Variants in HYDIN observed in about 807,000 individuals in gnomAD.
The protein encoded by HYDIN is HYDIN axonemal central pair apparatus protein.
Under a neutral mutation model 403.9 loss-of-function variants are expected in HYDIN, and 132 were observed. That is an observed-to-expected ratio of 0.33 (90% CI 0.28 to 0.38). The LOEUF (loss-of-function observed/expected upper bound fraction) is 0.38, where lower values mean the gene tolerates loss of function less well. Among genes scored for constraint, HYDIN ranks in the 10% least tolerant of loss-of-function variants. The pLI is 1.00. For synonymous variants in HYDIN, 1,202 were observed against 1,891.7 expected, an observed-to-expected ratio of 0.64 and a Z score of 9.46; for missense variants, 2,827 against 5,009.5, an observed-to-expected ratio of 0.56 and a Z score of 13.15.
intron 23 of HYDIN, among the ~76,000 whole-genome samples, chr16:71,010,881 G>C (rs369104415): frequency 0.014 from 2,100 of 152,324 alleles, 51 homozygotes; most frequent in African/African-American, 0.048. Flanking sequence ...TGGCTGCAGG[G>C]AGGAGTGACA....
At chr16:70,895,085 G>A (rs2076164689) in intron 54 of HYDIN, among the ~76,000 whole-genome samples, 1 of 148,830 alleles carries the variant, frequency 6.7e-6, no homozygotes, top group South Asian at 2.2e-4. Context: ...AAAGATCTTT[G>A]TACATGAGAC....
At chr16:71,094,707 G>C (rs2083223383) in intron 10 of HYDIN, among the ~76,000 whole-genome samples, 1 of 152,290 alleles carries the variant, frequency 6.6e-6, no homozygotes, top group Non-Finnish European at 1.5e-5. Flanking sequence ...TAATGCACTT[G>C]CATGGAGTCA....
At chr16:70,904,696 T>C (rs986734393) in intron 50 of HYDIN, among the ~76,000 whole-genome samples, 1 of 150,140 alleles carries the variant, frequency 6.7e-6, no homozygotes, top group African/African-American at 2.4e-5. Context: ...GAAACGGGGT[T>C]TCACCATGTT....
chr16:71,186,164 T>C (rs189528415), intron 2 of HYDIN, among the ~76,000 whole-genome samples: 150 of 152,264 alleles, frequency 9.9e-4, no homozygotes, highest in African/African-American at 3.5e-3. Context: ...TAACTTAAGA[T>C]TAGTTTTTAA....
chr16:70,918,232 CA>C lies in HYDIN; in HGVS notation c.7982del (p.Leu2661TrpfsTer24). On this transcript the variant is annotated frameshift_variant, in exon 47 of 86. Transcript: ENST00000393567. LOFTEE classifies it high-confidence loss of function. The stretch of plus-strand genomic sequence containing the variant: ...TTACCTTTGTAGTGTTTGTGGTGGC[CA>C]AAAAGTCTGATTCTATTTCCATTTC... ...KKEMEIESDF[L>X]ATTNTTKAQE... 1 of 615,406 alleles carries C rather than the reference CA, an allele frequency of 1.6e-6. No homozygotes were observed. Among genetic ancestry groups the C allele is most frequent in the Non-Finnish European group, 2.9e-6 (1 of 345,486 alleles). The allele number at this position is 615,406 out of a possible 1,614,324, so 38.1% of individuals were successfully genotyped here.
intron 47 of HYDIN, among the ~76,000 whole-genome samples, chr16:70,910,414 T>A (rs866638919): frequency 2.9e-4 from 44 of 152,220 alleles, no homozygotes; most frequent in Non-Finnish European, 5.0e-4. Flanking sequence ...CGTTAATTCA[T>A]TCCTTCTTAT....
chr16:71,069,948 G>A (rs2082407660), intron 13 of HYDIN, among the ~76,000 whole-genome samples: 2 of 152,328 alleles, frequency 1.3e-5, no homozygotes, highest in Middle Eastern at 3.4e-3. Flanking sequence ...GAAAAAGCCT[G>A]CATGGTTTTG....
At chr16:70,854,571 C>T (rs1352102712) in intron 73 of HYDIN, among the ~76,000 whole-genome samples, 27 of 150,030 alleles carry the variant, frequency 1.8e-4, no homozygotes, top group Admixed American at 1.5e-3. Context: ...CCCGCCAACA[C>T]GCCTGGCTAA....
Position 70,949,487 on chromosome 16 carries a change from A to G in HYDIN, c.6531+2934T>C, listed in dbSNP as rs2077992896. Among the ~76,000 whole-genome samples, 3 of 152,178 alleles carry G rather than the reference A, an allele frequency of 2.0e-5. No individual in the cohort carries two copies. The South Asian group carries it at 6.2e-4, about 32-fold the overall frequency. ...AAAAAAAACAAAAACAAGAAACAAA[A>G]AAACCCAAAAGATCAGGATTTCTAA... is the stretch of plus-strand genomic sequence containing the variant. On this transcript the variant is annotated intron_variant, in intron 41 of 85. Coordinates refer to ENST00000393567, the MANE Select transcript of HYDIN (RefSeq NM_001270974.2).
chr16:70,887,867 TA>T (rs1202345176), intron 58 of HYDIN, among the ~76,000 whole-genome samples: 11 of 151,860 alleles, frequency 7.2e-5, no homozygotes, highest in Non-Finnish European at 1.6e-4. Context: ...GTATTTTTAG[TA>T]GAGACAGGGT....
intron 60 of HYDIN, among the ~76,000 whole-genome samples, chr16:70,881,224 C>CA (rs58562653): frequency 0.097 from 5,501 of 56,580 alleles, 293 homozygotes; most frequent in African/African-American, 0.18. Flanking sequence ...GAGACTGTCT[C>CA]AAAAAAAAAA....
intron 40 of HYDIN, among the ~76,000 whole-genome samples, chr16:70,954,350 T>G (rs2078161266): frequency 8.3e-6 from 1 of 121,148 alleles, no homozygotes; most frequent in Non-Finnish European, 1.7e-5. Context: ...TCCCAGCTAC[T>G]CTGGAGGCGA....
intron 9 of HYDIN, among the ~76,000 whole-genome samples, chr16:71,121,711 CA>C (rs1261315379): frequency 1.4e-5 from 2 of 140,916 alleles, no homozygotes; most frequent in Non-Finnish European, 1.5e-5. Flanking sequence ...AAAGAATAAG[CA>C]AAAAAACCCA....
At chr16:71,103,998 T>G (rs1444953011) in intron 10 of HYDIN, among the ~76,000 whole-genome samples, 1 of 152,162 alleles carries the variant, frequency 6.6e-6, no homozygotes, top group Non-Finnish European at 1.5e-5. Flanking sequence ...TTTTGTCAAA[T>G]TTATCTCTAA....
At chr16:71,184,776 A>T in intron 3 of HYDIN, 89 bp downstream of exon 3, 1 of 1,134,672 alleles carries the variant, frequency 8.8e-7, no homozygotes, top group Non-Finnish European at 1.2e-6. Flanking sequence ...AGGATTAGGT[A>T]GCCAAGAAAC....
intron 67 of HYDIN, chr16:70,865,054 A>C (rs1309144484): frequency 2.2e-5 from 4 of 179,764 alleles, no homozygotes; most frequent in Admixed American, 6.1e-5. Context: ...GAATTCAACA[A>C]ATGCACGATG....
intron 8 of HYDIN, among the ~76,000 whole-genome samples, chr16:71,130,637 G>A (rs1386086828): frequency 4.6e-5 from 7 of 151,452 alleles, no homozygotes; most frequent in South Asian, 2.1e-4. Flanking sequence ...ACAGGCGCCC[G>A]CCACCGCGCC....
At chr16:71,126,402 G>A (rs1430678765) in intron 9 of HYDIN, among the ~76,000 whole-genome samples, 32 of 152,326 alleles carry the variant, frequency 2.1e-4, no homozygotes. Flanking sequence ...GTTAGATCAA[G>A]ATGAGGACCA....
At chr16:70,959,051 AT>A (rs377661799) in intron 39 of HYDIN, among the ~76,000 whole-genome samples, 26 of 150,630 alleles carry the variant, frequency 1.7e-4, no homozygotes, top group South Asian at 4.2e-4. Context: ...TACAAATAAG[AT>A]TTTTTTTTTC....
Sources: gnomAD v4.1 joint callset for allele counts (sites outside exome capture counted in the v4.1 genomes callset) on GRCh38, gnomAD v4.1.1 for gene constraint, MANE v1.5 for transcripts, NCBI Gene and HGNC (gene_info 2026-07-23, HGNC 2026-07-21) for gene names.